The following USP32 variants were observed in gnomAD, a reference collection of about 807,000 sequenced individuals.
USP32 encodes the protein ubiquitin carboxyl-terminal hydrolase 32.
USP32 carries 59 observed loss-of-function variants against 204.8 expected under a neutral mutation model. The ratio of observed to expected loss-of-function variants is 0.29; its 90% confidence interval spans 0.23 to 0.36. The LOEUF is 0.36. Ranked by LOEUF, USP32 falls within the 10% of genes least tolerant of loss-of-function variation. USP32 has a pLI of 1.00. For synonymous variants in USP32, 517 were observed against 678.4 expected (o/e 0.76, Z 3.70); for missense variants, 1,160 against 1,946.4 (o/e 0.60, Z 7.60).
At chr17:60,309,347 C>T (rs2087800305) in intron 2 of USP32, among the ~76,000 whole-genome samples, 1 of 152,130 alleles carries the variant, frequency 6.6e-6, no homozygotes, top group Admixed American at 6.5e-5. Context: ...TGGGGAAATT[C>T]CCAGCATTTT....
chr17:60,271,890 C>T (rs991059219), intron 5 of USP32, among the ~76,000 whole-genome samples: 3 of 151,842 alleles, frequency 2.0e-5, no homozygotes, highest in Non-Finnish European at 4.4e-5. Flanking sequence ...TAGTTCCCTA[C>T]AGCCTCAAAT....
At chr17:60,235,942 T>G (rs1454798809) in intron 12 of USP32, among the ~76,000 whole-genome samples, 196 bp downstream of exon 12, 1 of 152,172 alleles carries the variant, frequency 6.6e-6, no homozygotes, top group Non-Finnish European at 1.5e-5. Context: ...AGGAAAGAAA[T>G]GTATGTGGAA....
chr17:60,194,653 C>G (rs1279820628), intron 27 of USP32, among the ~76,000 whole-genome samples: 1 of 152,208 alleles, frequency 6.6e-6, no homozygotes, highest in Non-Finnish European at 1.5e-5. Context: ...TCTTTTCCAA[C>G]AATAAGTTCC....
At chr17:60,293,270 G>A (rs543043899) in intron 4 of USP32, among the ~76,000 whole-genome samples, 37 of 152,228 alleles carry the variant, frequency 2.4e-4, no homozygotes, top group African/African-American at 7.9e-4. Context: ...CTACAAAAAT[G>A]AGAATGTCTG....
At chr17:60,342,535 G>T (rs988839653) in intron 2 of USP32, among the ~76,000 whole-genome samples, 2 of 152,224 alleles carry the variant, frequency 1.3e-5, no homozygotes, top group African/African-American at 4.8e-5. Context: ...GCCCACAGAA[G>T]TGGAGTCTAG....
In USP32 at chr17:60,208,276, TAC is replaced by T. The variant is rs1018415516; in HGVS notation, c.2774-68_2774-67del. ...TTCATTGAAAGTCTTAAATGCTGTGTACAGATATATCTGACCTGTAAATATAA... is the reference window on the plus strand; with the variant it reads ...TTCATTGAAAGTCTTAAATGCTGTGTAGATATATCTGACCTGTAAATATAA... On this transcript the variant is annotated intron_variant, in intron 23 of 33. Coordinates refer to ENST00000300896, the MANE Select transcript of USP32 (RefSeq NM_032582.4). The T allele has an allele frequency of 3.4e-6, 5 of 1,474,406 alleles. No individual in the cohort carries two copies. The African/African-American group carries it at 5.7e-5, about 17-fold the overall frequency. The allele number at this position is 1,474,406 out of a possible 1,614,324, so 91.3% of individuals were successfully genotyped here. A position where few individuals can be genotyped will look rare whatever the true frequency, so the allele number is the denominator to read the frequency against.
chr17:60,293,215 T>G (rs1221990035), intron 4 of USP32, among the ~76,000 whole-genome samples: 1 of 152,202 alleles, frequency 6.6e-6, no homozygotes, highest in Non-Finnish European at 1.5e-5. Flanking sequence ...GCTATTGTGT[T>G]TAAGTTTTTA....
chr17:60,361,436 G>A (rs1267466186), intron 1 of USP32, among the ~76,000 whole-genome samples: 1 of 152,074 alleles, frequency 6.6e-6, no homozygotes, highest in Non-Finnish European at 1.5e-5. Flanking sequence ...GTAATATACA[G>A]GTATTCACTT....
intron 28 of USP32, among the ~76,000 whole-genome samples, chr17:60,192,137 A>T (rs2084399436): frequency 6.6e-6 from 1 of 151,922 alleles, no homozygotes; most frequent in Non-Finnish European, 1.5e-5. Flanking sequence ...CTAAAAATAC[A>T]AAAATTAGCT....
rs371109741 is a variant in USP32, at chr17:60,340,297, C to T, written c.186+5184G>A. 1.6e-4 allele frequency among the ~76,000 whole-genome samples: 24 copies of T among 152,250 alleles called. 1 individual carries two copies. The South Asian group carries it at 5.0e-3, about 32-fold the overall frequency. The stretch of plus-strand genomic sequence containing the variant: ...CAAGCTTCAAAATTACCAGCCCTGC[C>T]AAGCTCAGTGGCTCACACCTGTAAT... On this transcript the variant is annotated intron_variant, in intron 2 of 33. Coordinates refer to ENST00000300896, the MANE Select transcript of USP32 (RefSeq NM_032582.4).
chr17:60,380,544 G>C (rs1322491735), intron 1 of USP32, among the ~76,000 whole-genome samples: 1 of 152,020 alleles, frequency 6.6e-6, no homozygotes, highest in Non-Finnish European at 1.5e-5. Context: ...CTCCAGCCTG[G>C]GTGGCATAAA....
intron 1 of USP32, among the ~76,000 whole-genome samples, chr17:60,399,047 G>A (rs952967594): frequency 6.6e-6 from 1 of 152,148 alleles, no homozygotes; most frequent in East Asian, 1.9e-4. Flanking sequence ...TGGGAACCTA[G>A]AGTAGGGAGA....
intron 26 of USP32, among the ~76,000 whole-genome samples, chr17:60,203,646 G>T (rs1469393299): frequency 6.6e-6 from 1 of 151,688 alleles, no homozygotes; most frequent in East Asian, 2.0e-4. Context: ...GCACGATCTC[G>T]GCTCACTGCA....
In USP32 at chr17:60,238,802, T is replaced by C. The variant is rs1376613756; in HGVS notation, c.1137-2562A>G. 4.4e-5 allele frequency among the ~76,000 whole-genome samples: 5 copies of C among 112,504 alleles called. No homozygotes were observed. The East Asian group carries it at 1.3e-3, about 30-fold the overall frequency. 73.8% of individuals were successfully genotyped at this position (112,504 alleles called of 152,430 possible). ...CTGGGCAACAGAGCGAGACTCCATC[T>C]CAAAAAAAAAAAAAAAAAAATTAGC... On this transcript the variant is annotated intron_variant, in intron 11 of 33. Transcript: ENST00000300896.
intron 2 of USP32, among the ~76,000 whole-genome samples, chr17:60,309,417 T>G (rs556367304): frequency 1.2e-4 from 19 of 152,064 alleles, no homozygotes; most frequent in African/African-American, 4.6e-4. Context: ...CTGGGCAACA[T>G]GGCAGAAACC....
chr17:60,255,222 T>C lies in USP32; in HGVS notation c.1027A>G (p.Ser343Gly). The change falls in exon 10 of 34, where the codon AGT becomes GGT. Residue 343 changes from serine (S) to glycine (G), a missense_variant. Ser to Gly is a moderately conservative substitution (Grantham distance 56). This residue lies in a region of USP32 where 536 missense variants were observed against 680.9 expected (regional missense o/e 0.79). Transcript: ENST00000300896. The stretch of plus-strand genomic sequence containing the variant: ...TCATTGGCAAGAACATTTTTCACAC[T>C]CCAGATCTGATAGTCTTCCAGAGTA... ...HLTLEDYQIW[S>G]VKNVLANEFL... 1 of 1,612,856 alleles carries C rather than the reference T, an allele frequency of 6.2e-7. No homozygotes were observed. The highest frequency in any genetic ancestry group is 8.5e-7 in the Non-Finnish European group (1 of 1,179,626).
intron 1 of USP32, among the ~76,000 whole-genome samples, chr17:60,417,271 C>G (rs1162429175): frequency 1.3e-5 from 2 of 151,778 alleles, no homozygotes; most frequent in Admixed American, 6.6e-5. Flanking sequence ...CAGTCTTGAT[C>G]CATATTTGTG....
At chr17:60,397,355 T>C (rs903395538) in intron 1 of USP32, among the ~76,000 whole-genome samples, 10 of 152,174 alleles carry the variant, frequency 6.6e-5, no homozygotes, top group African/African-American at 2.4e-4. Context: ...TCAATCAGGC[T>C]TTTTCCAGTT....
At chr17:60,326,598 C>A (rs1456769734) in intron 2 of USP32, among the ~76,000 whole-genome samples, 1 of 152,194 alleles carries the variant, frequency 6.6e-6, no homozygotes, top group Non-Finnish European at 1.5e-5. Context: ...TGTGCCCGGC[C>A]ATGGTTTATT....
Sources: gnomAD v4.1 joint callset for allele counts (sites outside exome capture counted in the v4.1 genomes callset) on GRCh38, gnomAD v4.1.1 for gene constraint, gnomAD v4.1.1 regional missense constraint, MANE v1.5 for transcripts, NCBI Gene and HGNC (gene_info 2026-07-23, HGNC 2026-07-21) for gene names.